ERBB3: variants seen among roughly 807,000 people sequenced by gnomAD.
The protein encoded by ERBB3 is erb-b2 receptor tyrosine kinase 3, also known as receptor tyrosine-protein kinase erbB-3.
Under a neutral mutation model 156.7 loss-of-function variants are expected in ERBB3, and 96 were observed. That is an observed-to-expected ratio of 0.61 (90% CI 0.52 to 0.73). The LOEUF (loss-of-function observed/expected upper bound fraction) is 0.73. Ranked by LOEUF, ERBB3 falls within the 30% of genes least tolerant of loss-of-function variation. ERBB3 has a pLI of 0.00. For synonymous variants in ERBB3, 567 were observed against 632.0 expected, an observed-to-expected ratio of 0.90 and a Z score of 1.54; for missense variants, 1,406 against 1,709.4, an observed-to-expected ratio of 0.82 and a Z score of 3.13.
At chr12:56,096,240 CT>C in intron 17 of ERBB3, 1 of 563,370 alleles carries the variant, frequency 1.8e-6, no homozygotes, top group Non-Finnish European at 3.2e-6. Context: ...CCAACTCTCC[CT>C]AGCTGTCCCC....
chr12:56,093,695 A>G, intron 12 of ERBB3, 69 bp from the exon 13 acceptor site: 1 of 1,603,794 alleles, frequency 6.2e-7, no homozygotes, highest in Middle Eastern at 1.9e-4. Flanking sequence ...AGTAACGAGG[A>G]AGAATAATGA....
chr12:56,083,161 G>C (rs1418594056), intron 1 of ERBB3, among the ~76,000 whole-genome samples: 1 of 152,142 alleles, frequency 6.6e-6, no homozygotes, highest in Non-Finnish European at 1.5e-5. Context: ...GAGTGCTGCT[G>C]AGGACGGGGT....
chr12:56,081,956 A>G (rs1868358819), intron 1 of ERBB3, among the ~76,000 whole-genome samples: 1 of 152,050 alleles, frequency 6.6e-6, no homozygotes. Flanking sequence ...CTGCTCCCCA[A>G]GCTGCCTAGC....
Position 56,102,396 on chromosome 12 carries a change from A to G in ERBB3, c.*341A>G, listed in dbSNP as rs1335319476. The G allele has an allele frequency of 4.2e-5, 14 of 332,532 alleles. No individual in the cohort carries two copies. Among genetic ancestry groups the G allele is most frequent in the Non-Finnish European group, 5.6e-6 (1 of 178,634 alleles). The allele number at this position is 332,532 out of a possible 1,614,324, so 20.6% of individuals were successfully genotyped here. Reference sequence around the variant, plus strand: ...CTCAGGCTCTTGACTACTTGGAACTAGGCTCTTATGTGTGCCTTTGTTTCC... The same window carrying G: ...CTCAGGCTCTTGACTACTTGGAACTGGGCTCTTATGTGTGCCTTTGTTTCC... On this transcript the variant is annotated 3_prime_UTR_variant, in exon 28 of 28. Transcript: ENST00000267101.
chr12:56,100,364 G>T, intron 26 of ERBB3, 119 bp downstream of exon 26: 1 of 862,246 alleles, frequency 1.2e-6, no homozygotes, highest in Non-Finnish European at 2.0e-6. Context: ...AGTGAGGGCC[G>T]GGCGAGTTGG....
At chr12:56,096,206 G>A in intron 17 of ERBB3, 1 of 529,858 alleles carries the variant, frequency 1.9e-6, no homozygotes, top group South Asian at 2.0e-5. Flanking sequence ...TGTATAAAAG[G>A]TACTCAAGGT....
chr12:56,082,914 G>C (rs1386565514), intron 1 of ERBB3, among the ~76,000 whole-genome samples: 2 of 152,124 alleles, frequency 1.3e-5, no homozygotes, highest in Non-Finnish European at 2.9e-5. Context: ...AGGTTCCTCT[G>C]TATTTGCTGA....
intron 9 of ERBB3, 29 bp downstream of exon 9, chr12:56,088,897 C>T (rs749647572): frequency 6.2e-7 from 1 of 1,613,600 alleles, no homozygotes; most frequent in Admixed American, 1.7e-5. Context: ...CCTCCTTAGA[C>T]CCCAGCCCAC....
intron 4 of ERBB3, 89 bp from the exon 5 acceptor site, chr12:56,087,488 G>A (rs1868523882): frequency 1.8e-6 from 2 of 1,100,904 alleles, no homozygotes; most frequent in Admixed American, 1.7e-5. Flanking sequence ...CGGGATTGAG[G>A]TGCCTGTGTA....
Position 56,100,261 on chromosome 12 carries a change from G to A in ERBB3, c.3201+16G>A, listed in dbSNP as rs1869045593. ...GTCTTGCCAGGTAAGTTCTGTTGCTGAGAGGCTGGGTTTTAGGATCAGATT... is the reference window on the plus strand; with the variant it reads ...GTCTTGCCAGGTAAGTTCTGTTGCTAAGAGGCTGGGTTTTAGGATCAGATT... On this transcript the variant is annotated intron_variant, in intron 26 of 27. Coordinates refer to ENST00000267101, the MANE Select transcript of ERBB3 (RefSeq NM_001982.4). The A allele has an allele frequency of 6.3e-7, 1 of 1,599,180 alleles. No individual in the cohort carries two copies. The highest frequency in any genetic ancestry group is 8.6e-7 in the Non-Finnish European group (1 of 1,166,454).
rs2136809528 is a variant in ERBB3, at chr12:56,093,422, C to A, written c.1352C>A (p.Ala451Asp). The change falls in exon 12 of 28, where the codon GCT (alanine) becomes GAT (aspartate). Residue 451 changes from alanine (A) to aspartate (D), a missense_variant. Transcript: ENST00000267101. ...TTCCGATCCCTGAAGGAAATTAGTG[C>A]TGGGCGTATCTATATAAGTGCCAAT... The part of the protein sequence containing the change: ...LGFRSLKEIS[A>D]GRIYISANRQ... 1 of 1,614,044 alleles carries A rather than the reference C, an allele frequency of 6.2e-7. No individual in the cohort carries two copies. The highest frequency in any genetic ancestry group is 8.5e-7 in the Non-Finnish European group (1 of 1,179,976).
At chr12:56,092,024 T>C (rs1041186670) in intron 9 of ERBB3, among the ~76,000 whole-genome samples, 3 of 149,004 alleles carry the variant, frequency 2.0e-5, no homozygotes, top group African/African-American at 7.5e-5. Flanking sequence ...CAGTGAGCTA[T>C]GATGGCACTA....
intron 9 of ERBB3, 61 bp downstream of exon 9, chr12:56,088,929 A>T (rs773255987): frequency 6.2e-7 from 1 of 1,608,900 alleles, no homozygotes; most frequent in Non-Finnish European, 8.5e-7. Flanking sequence ...AGTTCATTTC[A>T]TTGGCCAAAA....
At chr12:56,088,298 C>CA (rs1404206850) in intron 7 of ERBB3, 136 bp downstream of exon 7, 48 of 984,798 alleles carry the variant, frequency 4.9e-5, no homozygotes, top group Non-Finnish European at 7.0e-5. Context: ...CTAACCACTC[C>CA]AGTGAGTGAC....
intron 9 of ERBB3, among the ~76,000 whole-genome samples, chr12:56,091,283 T>TATAA (rs1868678379): frequency 3.9e-5 from 2 of 51,762 alleles, no homozygotes; most frequent in East Asian, 4.0e-4. Context: ...TATATATATA[T>TATAA]ATATATATAT....
At position 56,103,327 on chromosome 12, in the gene ERBB3, A is replaced by T. The variant is rs750698065; in HGVS notation, c.*1272A>T. 29 of 221,470 alleles carry T rather than the reference A, an allele frequency of 1.3e-4. No homozygotes were observed. The highest frequency in any genetic ancestry group is 1.3e-3 in the Middle Eastern group (1 of 744). 13.7% of individuals were successfully genotyped at this position (221,470 alleles called of 1,614,324 possible). On this transcript the variant is annotated 3_prime_UTR_variant, in exon 28 of 28. Coordinates refer to ENST00000267101, the MANE Select transcript of ERBB3 (RefSeq NM_001982.4). Reference sequence around the variant, plus strand: ...ACAAGGATCCCCAAGATCCACTTTTAGAAGCCATTCTCATCCAGCAGTGAG... The same window carrying T: ...ACAAGGATCCCCAAGATCCACTTTTTGAAGCCATTCTCATCCAGCAGTGAG...
chr12:56,093,874 A>T lies in ERBB3; in HGVS notation c.1591A>T (p.Thr531Ser), dbSNP rs200670489. Residue 531 changes from threonine (T) to serine (S), a missense_variant, in exon 13 of 28, where the codon ACC (threonine) becomes TCC (serine). Physicochemically the swap from Thr to Ser is moderately conservative, Grantham distance 58. Transcript: ENST00000267101. Reference protein sequence around the residue: ...RNYSRGGVCVTHCNFLNGEPR... With the variant: ...RNYSRGGVCVSHCNFLNGEPR... ...TTATAGCCGAGGAGGTGTCTGTGTG[A>T]CCCACTGCAACTTTCTGAATGGGTA... 9 of 1,611,756 alleles carry T rather than the reference A, an allele frequency of 5.6e-6. No individual in the cohort carries two copies. The highest frequency in any genetic ancestry group is 5.1e-6 in the Non-Finnish European group (6 of 1,179,514).
chr12:56,097,919 G>T lies in ERBB3; in HGVS notation c.2595G>T (p.Gln865His), dbSNP rs779924065. Residue 865 changes from glutamine to histidine, a missense_variant, in exon 21 of 28, where the codon CAG (glutamine) becomes CAT (histidine). By Grantham distance (24) the Gln-to-His change is conservative. Coordinates refer to ENST00000267101, the MANE Select transcript of ERBB3 (RefSeq NM_001982.4). Reference protein sequence around the residue: ...VADLLPPDDKQLLYSEAKTPI... With the variant: ...VADLLPPDDKHLLYSEAKTPI... ...ACCTGCTGCCTCCTGATGATAAGCA[G>T]CTGCTATACAGTGAGGCCAAGGTGA... 177 of 1,613,488 alleles carry T rather than the reference G, an allele frequency of 1.1e-4. No individual in the cohort carries two copies. Among genetic ancestry groups the T allele is most frequent in the Non-Finnish European group, 1.4e-4 (171 of 1,180,046 alleles).
In ERBB3 at chr12:56,097,002, T is replaced by A. The variant is rs376362887; in HGVS notation, c.2275-43T>A. 4 of 1,600,522 alleles carry A rather than the reference T, an allele frequency of 2.5e-6. No individual in the cohort carries two copies. In the African/African-American group the frequency reaches 5.4e-5, roughly 21 times the overall value. On this transcript the variant is annotated intron_variant, in intron 19 of 27. Coordinates refer to ENST00000267101, the MANE Select transcript of ERBB3 (RefSeq NM_001982.4). ...TGGCTGTGCACATGCTGAGTGTATG[T>A]GAACCTGTTGGTTTCCTAGATAATA...
Sources: allele counts gnomAD v4.1 joint callset (sites outside exome capture counted in the v4.1 genomes callset), GRCh38; gene constraint gnomAD v4.1.1; transcripts MANE v1.5; gene names NCBI Gene and HGNC (gene_info 2026-07-23, HGNC 2026-07-21).